The following LOC128462377 variants were observed in gnomAD, a reference collection of about 807,000 sequenced individuals.
At chr16:89,336,062 G>A in the LOC128462377 span, among the ~76,000 whole-genome samples, 1 of 152,242 alleles carries the variant, frequency 6.6e-6, no homozygotes, top group Non-Finnish European at 1.5e-5. Context: ...TACTATTCCT[G>A]CCAGTTGGTT....
the LOC128462377 span, among the ~76,000 whole-genome samples, chr16:89,393,159 T>G: frequency 1.3e-5 from 2 of 152,112 alleles, no homozygotes; most frequent in Non-Finnish European, 2.9e-5. Context: ...CCTCAGGACC[T>G]GGCACCTTCT....
the LOC128462377 span, among the ~76,000 whole-genome samples, chr16:89,417,324 C>G: frequency 6.6e-6 from 1 of 152,216 alleles, no homozygotes; most frequent in Non-Finnish European, 1.5e-5. Flanking sequence ...CACTTTAAAA[C>G]CATGACTCAC....
At chr16:89,375,245 G>A in the LOC128462377 span, among the ~76,000 whole-genome samples, 9 of 152,218 alleles carry the variant, frequency 5.9e-5, no homozygotes, top group African/African-American at 2.2e-4. Context: ...AATCGTCTCC[G>A]CGTGAGCAGC....
chr16:89,401,002 G>A, the LOC128462377 span, among the ~76,000 whole-genome samples: 1 of 152,162 alleles, frequency 6.6e-6, no homozygotes, highest in Non-Finnish European at 1.5e-5. Context: ...AGACCAAGAT[G>A]GAAAGGGAGG....
the LOC128462377 span, among the ~76,000 whole-genome samples, chr16:89,333,664 G>A: frequency 3.3e-5 from 5 of 152,190 alleles, no homozygotes; most frequent in African/African-American, 1.2e-4. Flanking sequence ...CTGGCAGCTC[G>A]TCTGTTTTTA....
the LOC128462377 span, among the ~76,000 whole-genome samples, chr16:89,406,392 C>T: frequency 2.0e-5 from 3 of 152,294 alleles, no homozygotes; most frequent in African/African-American, 7.2e-5. Context: ...GACAAAACAC[C>T]AGCCGGCGCG....
chr16:89,336,228 G>A, the LOC128462377 span, among the ~76,000 whole-genome samples: 1 of 152,230 alleles, frequency 6.6e-6, no homozygotes, highest in South Asian at 2.1e-4. Context: ...GAGGGGTTCA[G>A]GCAAGAGCCA....
At chr16:89,384,576 G>A in the LOC128462377 span, among the ~76,000 whole-genome samples, 9 of 152,016 alleles carry the variant, frequency 5.9e-5, no homozygotes, top group African/African-American at 9.7e-5. Context: ...AGGATGGGAC[G>A]GGACGGGATG....
At chr16:89,346,831 C>T in the LOC128462377 span, among the ~76,000 whole-genome samples, 1 of 152,126 alleles carries the variant, frequency 6.6e-6, no homozygotes, top group Admixed American at 6.5e-5. Context: ...AGAAGAAAAA[C>T]ATGAGAAATG....
the LOC128462377 span, among the ~76,000 whole-genome samples, chr16:89,352,964 T>C: frequency 6.6e-6 from 1 of 152,156 alleles, no homozygotes; most frequent in Non-Finnish European, 1.5e-5. Flanking sequence ...TTCAGAAAAG[T>C]TTATGGAAAA....
the LOC128462377 span, among the ~76,000 whole-genome samples, chr16:89,336,768 A>T: frequency 6.6e-6 from 1 of 152,278 alleles, no homozygotes; most frequent in Admixed American, 6.5e-5. Context: ...ACTACATGAG[A>T]GATGATAAAA....
chr16:89,345,252 C>G, the LOC128462377 span, among the ~76,000 whole-genome samples: 3 of 140,646 alleles, frequency 2.1e-5, no homozygotes, highest in South Asian at 4.9e-4. Context: ...CAAGCCCCCC[C>G]TCCCCACCCC....
At chr16:89,415,829 CA>C in the LOC128462377 span, among the ~76,000 whole-genome samples, 172 of 39,742 alleles carry the variant, frequency 4.3e-3, 2 homozygotes, top group African/African-American at 9.2e-3. Context: ...GACTCTGTCT[CA>C]AAAAAAAAAA....
chr16:89,386,524 C>T, the LOC128462377 span, among the ~76,000 whole-genome samples: 1 of 152,164 alleles, frequency 6.6e-6, no homozygotes, highest in South Asian at 2.1e-4. Flanking sequence ...GGAAAGGGGG[C>T]TCTTCTCTGG....
At chr16:89,375,029 C>G in the LOC128462377 span, among the ~76,000 whole-genome samples, 2 of 151,974 alleles carry the variant, frequency 1.3e-5, no homozygotes, top group African/African-American at 2.4e-5. Context: ...AAAAATTAAA[C>G]GCTTATAAAT....
At chr16:89,325,176 CCACTAGGATGTGAGGGTGGAA>C in the LOC128462377 span, 1 of 152,390 alleles carries the variant, frequency 6.6e-6, no homozygotes, top group African/African-American at 2.4e-5. Context: ...TTGCGGCGTG[CCACTAGGATGTGAGGGTGGAA>C]CACTACACAG....
the LOC128462377 span, among the ~76,000 whole-genome samples, chr16:89,322,270 C>T: frequency 6.6e-6 from 1 of 152,206 alleles, no homozygotes; most frequent in Non-Finnish European, 1.5e-5. Context: ...CATTACCCTC[C>T]GAAGACTCCC....
At chr16:89,399,774 T>G in the LOC128462377 span, among the ~76,000 whole-genome samples, 4 of 150,346 alleles carry the variant, frequency 2.7e-5, no homozygotes, top group East Asian at 7.8e-4. Context: ...TCTATTTTGC[T>G]GTGAACCTAA....
chr16:89,324,268 C>G, the LOC128462377 span: 3 of 1,240,976 alleles, frequency 2.4e-6, no homozygotes, highest in South Asian at 1.4e-5. Context: ...GTGGAACATA[C>G]AGGAGCCCCG....
Sources: gnomAD v4.1 joint callset for allele counts (sites outside exome capture counted in the v4.1 genomes callset) on GRCh38, gnomAD v4.1.1 for gene constraint, MANE v1.5 for transcripts.